SERPINB9: variants seen among roughly 807,000 people sequenced by gnomAD.
The protein encoded by SERPINB9 is serpin family B member 9.
SERPINB9 carries 20 observed loss-of-function variants against 27.2 expected under a neutral mutation model. The observed-to-expected ratio is 0.74, with a 90% CI of 0.52 to 1.07. The LOEUF (loss-of-function observed/expected upper bound fraction) is 1.07. Among genes scored for constraint, SERPINB9 ranks in the 50% least tolerant of loss-of-function variants. The pLI is 0.00. For missense variants in SERPINB9, 476 were observed against 460.1 expected, an observed-to-expected ratio of 1.03 and a Z score of -0.32; for synonymous variants, 189 against 180.0, an observed-to-expected ratio of 1.05 and a Z score of -0.40.
rs140522577 is a variant in SERPINB9 at position 2,890,379 on chromosome 6, C to T, written c.915G>A (p.Ala305=). Reference sequence around the variant, plus strand: ...ACTTGGACAGACACAGGTCTCTCTCCGCTGACATTGCCGACAAGTCAGCCT... The same window carrying T: ...ACTTGGACAGACACAGGTCTCTCTCTGCTGACATTGCCGACAAGTCAGCCT... ...QGKADLSAMS[A]ERDLCLSKFV... The change falls in exon 7 of 7, where the codon GCG becomes GCA. Residue 305 remains alanine, a synonymous_variant. Coordinates refer to ENST00000380698, the MANE Select transcript of SERPINB9 (RefSeq NM_004155.6). This position sits in a 1 kb window ranked among gnomAD's most constrained non-coding sequence, Gnocchi z 6.2. 216 of 1,614,092 alleles carry T rather than the reference C, an allele frequency of 1.3e-4. No homozygotes were observed. Among genetic ancestry groups the T allele is most frequent in the Non-Finnish European group, 1.6e-4 (187 of 1,180,050 alleles).
At chr6:2,897,048 C>T (rs1768023114) in intron 2 of SERPINB9, among the ~76,000 whole-genome samples, 1 of 151,516 alleles carries the variant, frequency 6.6e-6, no homozygotes, top group Non-Finnish European at 1.5e-5. Flanking sequence ...ATTGCTGGAG[C>T]CCAGGACTTT....
chr6:2,900,419 G>C (rs202038145), intron 2 of SERPINB9, 25 bp downstream of exon 2: 1 of 1,611,926 alleles, frequency 6.2e-7, no homozygotes, highest in Non-Finnish European at 8.5e-7. Context: ...GCCAGTCCCT[G>C]CTCCTGGCGG....
Position 2,900,530 on chromosome 6 carries a change from C to T in SERPINB9, c.82G>A (p.Val28Met), listed in dbSNP as rs372377669. The change falls in exon 2 of 7, where the codon GTG (valine) becomes ATG (methionine). Residue 28 changes from valine to methionine, a missense_variant. Val to Met is a conservative substitution (Grantham distance 21). Transcript: ENST00000380698. ...GAGATGCTCACAGGAGAACAGAACACGTTGTGCGAAGGGTTATCTTGACAC... is the reference window on the plus strand; with the variant it reads ...GAGATGCTCACAGGAGAACAGAACATGTTGTGCGAAGGGTTATCTTGACAC... Reference protein sequence around the residue: ...ILCQDNPSHNVFCSPVSISSA... With the variant: ...ILCQDNPSHNMFCSPVSISSA... The T allele has an allele frequency of 1.5e-5, 24 of 1,613,912 alleles. No individual in the cohort carries two copies. Among genetic ancestry groups the T allele is most frequent in the African/African-American group, 1.1e-4 (8 of 74,844 alleles).
chr6:2,893,881 T>C (rs76917956), intron 4 of SERPINB9, among the ~76,000 whole-genome samples: 1,690 of 152,148 alleles, frequency 0.011, 29 homozygotes, highest in African/African-American at 0.039. Flanking sequence ...ACATGGTTAA[T>C]TGGAGTGTTT....
rs1767657331 is a variant in SERPINB9 at position 2,888,117 on chromosome 6, A to C, written c.*2046T>G. The stretch of plus-strand genomic sequence containing the variant: ...AAATGCAAATAAAAAACACAATGAG[A>C]TACCACTTCACACCCACTAAGATGG... On this transcript the variant is annotated 3_prime_UTR_variant, in exon 7 of 7. Transcript: ENST00000380698. 6.6e-6 allele frequency: 1 copy of C among 152,236 alleles called. No individual in the cohort carries two copies. The highest frequency in any genetic ancestry group is 2.4e-5 in the African/African-American group (1 of 41,464). The allele number at this position is 152,236 out of a possible 1,614,324, so 9.4% of individuals were successfully genotyped here. A position where few individuals can be genotyped will look rare whatever the true frequency, so the allele number is the denominator to read the frequency against.
At position 2,893,204 on chromosome 6, in the gene SERPINB9, T is replaced by TATATATACGTATATATA. The variant is rs1767878686; in HGVS notation, c.567+190_567+206dup. Among the ~76,000 whole-genome samples, 4 of 139,728 alleles carry TATATATACGTATATATA rather than the reference T, an allele frequency of 2.9e-5. No individual in the cohort carries two copies. In the South Asian group the frequency reaches 6.4e-4, roughly 22 times the overall value. 91.7% of individuals were successfully genotyped at this position (139,728 alleles called of 152,430 possible). ...AAACACTACATATATATATATATATTATATATACGTATATATAATATATAT... is the reference window on the plus strand; with the variant it reads ...AAACACTACATATATATATATATATTATATATACGTATATATAATATATACGTATATATAATATATAT... On this transcript the variant is annotated intron_variant, in intron 5 of 6. Coordinates refer to ENST00000380698, the MANE Select transcript of SERPINB9 (RefSeq NM_004155.6).
At chr6:2,902,269 C>T (rs917346875) in intron 1 of SERPINB9, among the ~76,000 whole-genome samples, 1 of 152,188 alleles carries the variant, frequency 6.6e-6, no homozygotes, top group African/African-American at 2.4e-5. Flanking sequence ...GGAGGAGGTT[C>T]TCTTGACCCC....
Position 2,891,048 on chromosome 6 carries a change from G to C in SERPINB9, c.724-478C>G, listed in dbSNP as rs11751892. Among the ~76,000 whole-genome samples the C allele has an allele frequency of 0.03, 4,599 of 152,320 alleles. 101 individuals are homozygous for C. Among genetic ancestry groups the C allele is most frequent in the Non-Finnish European group, 0.047 (3,168 of 68,022 alleles). On this transcript the variant is annotated intron_variant, in intron 6 of 6. Coordinates refer to ENST00000380698, the MANE Select transcript of SERPINB9 (RefSeq NM_004155.6). The surrounding 1 kb of genome is among the most constrained non-coding windows in gnomAD (Gnocchi z 4.0). ...TTACCAGAGGATTATCTGCCCCAGA[G>C]AGATTCTGCATAGTTTCCGGAGCAT...
At position 2,890,970 on chromosome 6, in the gene SERPINB9, A is replaced by G. The variant is rs1767779716; in HGVS notation, c.724-400T>C. Among the ~76,000 whole-genome samples, 1 of 152,230 alleles carries G rather than the reference A, an allele frequency of 6.6e-6. No individual in the cohort carries two copies. The highest frequency in any genetic ancestry group is 2.1e-4 in the South Asian group (1 of 4,830). On this transcript the variant is annotated intron_variant, in intron 6 of 6. Transcript: ENST00000380698. This position sits in a 1 kb window ranked among gnomAD's most constrained non-coding sequence, Gnocchi z 6.2. ...AAGGGCTCTCAGTGTGAGCCACTCC[A>G]ACAGGATTATCTGTCCCAGGTGAGA...
At chr6:2,901,817 G>A (rs1392994888) in intron 1 of SERPINB9, among the ~76,000 whole-genome samples, 4 of 148,828 alleles carry the variant, frequency 2.7e-5, no homozygotes, top group South Asian at 4.3e-4. Context: ...GCCCCCTCCC[G>A]AGCCTCTGGT....
chr6:2,890,656 T>G lies in SERPINB9; in HGVS notation c.724-86A>C. 1.6e-6 allele frequency: 2 copies of G among 1,286,744 alleles called. No individual in the cohort carries two copies. The highest frequency in any genetic ancestry group is 2.2e-6 in the Non-Finnish European group (2 of 921,460). The allele number at this position is 1,286,744 out of a possible 1,614,324, so 79.7% of individuals were successfully genotyped here. A position where few individuals can be genotyped will look rare whatever the true frequency, so the allele number is the denominator to read the frequency against. ...GCACTCACAGTTCCCTTCCTCCCCTTGCACGTAGGTGTTGTTTGTTCACAT... is the reference window on the plus strand; with the variant it reads ...GCACTCACAGTTCCCTTCCTCCCCTGGCACGTAGGTGTTGTTTGTTCACAT... On this transcript the variant is annotated intron_variant, in intron 6 of 6. Transcript: ENST00000380698. The surrounding 1 kb of genome is among the most constrained non-coding windows in gnomAD (Gnocchi z 6.2).
At position 2,897,123 on chromosome 6, in the gene SERPINB9, C is replaced by CAA. The variant is rs761775676; in HGVS notation, c.169-935_169-934dup. On this transcript the variant is annotated intron_variant, in intron 2 of 6. Coordinates refer to ENST00000380698, the MANE Select transcript of SERPINB9 (RefSeq NM_004155.6). ...CCTAGGAGACAGAGCAAGACCATGTCAAAAAAAAAAAAAAAACACAAAAAA... is the reference window on the plus strand; with the variant it reads ...CCTAGGAGACAGAGCAAGACCATGTCAAAAAAAAAAAAAAAAAACACAAAAAA... Among the ~76,000 whole-genome samples, 540 of 68,956 alleles carry CAA rather than the reference C, an allele frequency of 7.8e-3. 3 individuals carry two copies. The highest frequency in any genetic ancestry group is 0.02 in the African/African-American group (450 of 21,972). The allele number at this position is 68,956 out of a possible 152,430, so 45.2% of individuals were successfully genotyped here.
At chr6:2,900,777 C>T (rs973996307) in intron 1 of SERPINB9, among the ~76,000 whole-genome samples, 156 bp from the exon 2 acceptor site, 6 of 151,738 alleles carry the variant, frequency 4.0e-5, no homozygotes, top group African/African-American at 9.7e-5. Context: ...TGTTAGTCTC[C>T]GGCCAAAAAT....
rs915227448 is a variant in SERPINB9, at chr6:2,894,201, C to A, written c.425-648G>T. On this transcript the variant is annotated intron_variant, in intron 4 of 6. Transcript: ENST00000380698. The surrounding 1 kb of genome is among the most constrained non-coding windows in gnomAD (Gnocchi z 4.7). The stretch of plus-strand genomic sequence containing the variant: ...GAAGAGAGCATCCGTGGTAAATACT[C>A]CAAGCAGGAATGCGGGAAACAACTG... 2.6e-5 allele frequency among the ~76,000 whole-genome samples: 4 copies of A among 152,118 alleles called. No individual in the cohort carries two copies. The highest frequency in any genetic ancestry group is 2.6e-4 in the Admixed American group (4 of 15,270).
chr6:2,900,120 T>G (rs7769332), intron 2 of SERPINB9: 4,125 of 399,040 alleles, frequency 0.01, 153 homozygotes, highest in African/African-American at 0.078. Context: ...AAAGAGGTAG[T>G]TCTTTGCAAC....
rs1767651040 is a variant in SERPINB9 at position 2,887,895 on chromosome 6, C to T, written c.*2268G>A. The T allele has an allele frequency of 6.6e-6, 1 of 151,014 alleles. No homozygotes were observed. Among genetic ancestry groups the T allele is most frequent in the Admixed American group, 6.6e-5 (1 of 15,178 alleles). 9.4% of individuals were successfully genotyped at this position (151,014 alleles called of 1,614,324 possible). A position where few individuals can be genotyped will look rare whatever the true frequency, so the allele number is the denominator to read the frequency against. ...AGATACTGAACTAGGCACTTGACATCCAAGATGTCCACTTGGCCCTTTTCT... is the reference window on the plus strand; with the variant it reads ...AGATACTGAACTAGGCACTTGACATTCAAGATGTCCACTTGGCCCTTTTCT... On this transcript the variant is annotated 3_prime_UTR_variant, in exon 7 of 7. Coordinates refer to ENST00000380698, the MANE Select transcript of SERPINB9 (RefSeq NM_004155.6).
chr6:2,895,370 G>T lies in SERPINB9; in HGVS notation c.424+21C>A, dbSNP rs137895366. 5.1e-4 allele frequency: 777 copies of T among 1,518,966 alleles called. 4 individuals carry two copies. The African/African-American group carries it at 9.2e-3, about 18-fold the overall frequency. 94.1% of individuals were successfully genotyped at this position (1,518,966 alleles called of 1,614,324 possible). On this transcript the variant is annotated intron_variant, in intron 4 of 6. Coordinates refer to ENST00000380698, the MANE Select transcript of SERPINB9 (RefSeq NM_004155.6). ...GAGGAGGACGGGTTGGGAGGAAGGTGCAATAACTTGTCATTCTGACCTTCG... is the reference window on the plus strand; with the variant it reads ...GAGGAGGACGGGTTGGGAGGAAGGTTCAATAACTTGTCATTCTGACCTTCG...
Position 2,895,401 on chromosome 6 carries a change from T to G in SERPINB9, c.414A>C (p.Lys138Asn), listed in dbSNP as rs774947100. Residue 138 changes from lysine (K) to asparagine (N), a missense_variant, in exon 4 of 7, where the codon AAA (lysine) becomes AAC (asparagine). Transcript: ENST00000380698. ...ACTTGTCATTCTGACCTTCGGTCTT[T>G]TTTGAGACCCAGGTGTTGATGTGTT... The part of the protein sequence containing the change: ...SRKHINTWVS[K>N]KTEGKIEELL... The G allele has an allele frequency of 6.2e-7, 1 of 1,608,850 alleles. No individual in the cohort carries two copies. Among genetic ancestry groups the G allele is most frequent in the Non-Finnish European group, 8.5e-7 (1 of 1,177,806 alleles).
At chr6:2,895,929 A>T in intron 3 of SERPINB9, 124 bp downstream of exon 3, 1 of 1,095,298 alleles carries the variant, frequency 9.1e-7, no homozygotes, top group Non-Finnish European at 1.3e-6. Flanking sequence ...TTAGAAAAAA[A>T]AATAGTGCAA....
Sources: gnomAD v4.1 joint callset for allele counts (sites outside exome capture counted in the v4.1 genomes callset) on GRCh38, gnomAD v4.1.1 for gene constraint, Gnocchi (gnomAD v3.1) non-coding constraint, MANE v1.5 for transcripts, NCBI Gene and HGNC (gene_info 2026-07-23, HGNC 2026-07-21) for gene names.